Variants in EBF4 observed in about 807,000 individuals in gnomAD.
EBF4 encodes EBF transcription factor 4.
A neutral mutation model predicts 67.1 loss-of-function variants in EBF4; 34 were observed. The ratio of observed to expected loss-of-function variants is 0.51; its 90% CI spans 0.39 to 0.67. The LOEUF (loss-of-function observed/expected upper bound fraction) is 0.67, where lower values mean the gene tolerates loss of function less well. Among genes scored for constraint, EBF4 ranks in the 30% least tolerant of loss-of-function variants. EBF4 has a pLI of 0.00. For missense variants in EBF4, 837 were observed against 873.3 expected, an observed-to-expected ratio of 0.96 and a Z score of 0.52; for synonymous variants, 387 against 377.7, an observed-to-expected ratio of 1.02 and a Z score of -0.29.
Position 2,732,682 on chromosome 20 carries a change from C to CT in EBF4, c.558-15861dup, listed in dbSNP as rs2087829905. On this transcript the variant is annotated intron_variant, in intron 6 of 16. Coordinates refer to ENST00000609451, the Ensembl canonical transcript of EBF4. ...TATAGTTGGATTGTGTTGTAGTTTT[C>CT]TTTTTTAATCCATTCTGCCAATCTC... Among the ~76,000 whole-genome samples, 7 of 152,218 alleles carry CT rather than the reference C, an allele frequency of 4.6e-5. 1 individual carries two copies. The South Asian group carries it at 1.5e-3, about 32-fold the overall frequency.
At chr20:2,749,290 C>A in intron 7 of EBF4, 111 bp from the exon 8 acceptor site, 5 of 774,350 alleles carry the variant, frequency 6.5e-6, no homozygotes, top group Non-Finnish European at 8.1e-6. Flanking sequence ...CCACCAGTGA[C>A]CCTAAATTCC....
At position 2,696,309 on chromosome 20, in the gene EBF4, T is replaced by G. The variant is rs2146358513; in HGVS notation, c.137+2527T>G. 6.6e-6 allele frequency among the ~76,000 whole-genome samples: 1 copy of G among 152,136 alleles called. No individual in the cohort carries two copies. The highest frequency in any genetic ancestry group is 2.1e-4 in the South Asian group (1 of 4,812). On this transcript the variant is annotated intron_variant, in intron 1 of 16. Coordinates refer to ENST00000609451, the Ensembl canonical transcript of EBF4. This position sits in a 1 kb window ranked among gnomAD's most constrained non-coding sequence, Gnocchi z 4.7. ...CAACATGGTGAAACCCTGTCTCTAC[T>G]AATAATACAAAAATTAGCTGGGCGT...
chr20:2,740,299 C>T (rs1600233106), intron 6 of EBF4, among the ~76,000 whole-genome samples: 2 of 151,294 alleles, frequency 1.3e-5, no homozygotes, highest in Admixed American at 6.6e-5. Flanking sequence ...GGCAACAGAG[C>T]GAGACTCCGT....
intron 1 of EBF4, among the ~76,000 whole-genome samples, chr20:2,695,013 A>G (rs932396501): frequency 6.6e-6 from 1 of 152,074 alleles, no homozygotes; most frequent in Admixed American, 6.6e-5. Flanking sequence ...TAATACAACT[A>G]CTGTCAACAT....
intron 6 of EBF4, among the ~76,000 whole-genome samples, chr20:2,719,733 A>G (rs1278595520): frequency 6.6e-6 from 1 of 152,154 alleles, no homozygotes; most frequent in Non-Finnish European, 1.5e-5. Context: ...ATTTAATTGC[A>G]TTGTTTGTCA....
At chr20:2,705,785 CCACA>C (rs71193988) in intron 2 of EBF4, 52 bp downstream of exon 2, 79,987 of 738,918 alleles carry the variant, frequency 0.11, 1,070 homozygotes, top group East Asian at 0.16. Context: ...GAACCCCCAA[CCACA>C]CACACACACA....
intron 1 of EBF4, 112 bp from the exon 2 acceptor site, chr20:2,705,465 T>A: frequency 2.0e-6 from 3 of 1,469,518 alleles, no homozygotes; most frequent in Non-Finnish European, 2.8e-6. Context: ...TTGCCCAAAC[T>A]CTTGGCATCT....
At chr20:2,749,043 G>T (rs2088096629) in intron 7 of EBF4, among the ~76,000 whole-genome samples, 1 of 152,190 alleles carries the variant, frequency 6.6e-6, no homozygotes, top group Non-Finnish European at 1.5e-5. Flanking sequence ...GAGTTCTCCG[G>T]CTGATGCTGC....
intron 10 of EBF4, 134 bp downstream of exon 10, chr20:2,750,107 C>T (rs1218601302): frequency 9.2e-6 from 12 of 1,301,062 alleles, no homozygotes; most frequent in Admixed American, 3.0e-5. Context: ...CGGCCCCGGG[C>T]CCCTTTAACC....
intron 6 of EBF4, among the ~76,000 whole-genome samples, chr20:2,716,743 C>T (rs1727592220): frequency 6.6e-6 from 1 of 152,164 alleles, no homozygotes; most frequent in South Asian, 2.1e-4. Context: ...CATCCTTTCC[C>T]ACTGAGTTGT....
At chr20:2,752,980 A>G (rs2146510361) in intron 14 of EBF4, among the ~76,000 whole-genome samples, 1 of 152,236 alleles carries the variant, frequency 6.6e-6, no homozygotes, top group Non-Finnish European at 1.5e-5. Context: ...GCCGGCTTCC[A>G]GCCGCCCCCC....
At position 2,752,377 on chromosome 20, in the gene EBF4, A is replaced by G. The variant is rs1600245197; in HGVS notation, c.1372A>G (p.Ser458Gly). Residue 458 changes from serine to glycine, a missense_variant, in exon 14 of 17, where the codon AGC (serine) becomes GGC (glycine). By Grantham distance (56) the Ser-to-Gly change is moderately conservative. Coordinates refer to ENST00000609451, the Ensembl canonical transcript of EBF4. ...CGCAGGCTACGCGCGCAGCTGCAGC[A>G]GCGCGTCCCCCCGCGGGTTCGCGCC... The G allele has an allele frequency of 3.2e-6, 4 of 1,238,382 alleles. No homozygotes were observed. In the East Asian group the frequency reaches 1.4e-4, roughly 43 times the overall value. 76.7% of individuals were successfully genotyped at this position (1,238,382 alleles called of 1,614,324 possible).
intron 6 of EBF4, among the ~76,000 whole-genome samples, chr20:2,731,320 G>A (rs910149056): frequency 1.3e-5 from 2 of 152,172 alleles, no homozygotes; most frequent in Non-Finnish European, 2.9e-5. Flanking sequence ...GTCCAGGGTG[G>A]CTCTTCTCCA....
rs1330373859 is a variant in EBF4 at position 2,752,337 on chromosome 20, G to T, written c.1352-20G>T. 6 of 1,199,280 alleles carry T rather than the reference G, an allele frequency of 5.0e-6. No homozygotes were observed. The highest frequency in any genetic ancestry group is 6.2e-6 in the Non-Finnish European group (6 of 969,092). The allele number at this position is 1,199,280 out of a possible 1,614,324, so 74.3% of individuals were successfully genotyped here. A position where few individuals can be genotyped will look rare whatever the true frequency, so the allele number is the denominator to read the frequency against. ...TCCCCGGCCGGCACCGCCCCCTGAC[G>T]GCCGCGCTCTCTCTCGCAGGCTACG... On this transcript the variant is annotated intron_variant, in intron 13 of 16. Coordinates refer to ENST00000609451, the Ensembl canonical transcript of EBF4.
Sources: allele counts gnomAD v4.1 joint callset (sites outside exome capture counted in the v4.1 genomes callset), GRCh38; gene constraint gnomAD v4.1.1; non-coding constraint Gnocchi (gnomAD v3.1); transcripts MANE v1.5; gene names NCBI Gene and HGNC (gene_info 2026-07-23, HGNC 2026-07-21).